Variants in DEPDC5 observed in about 807,000 individuals in gnomAD.
DEPDC5 encodes the protein DEP domain containing 5, GATOR1 subcomplex subunit.
A neutral mutation model predicts 217.3 loss-of-function variants in DEPDC5; 73 were observed. The ratio of observed to expected loss-of-function variants is 0.34; its 90% CI spans 0.28 to 0.41. The LOEUF is 0.41. Ranked by LOEUF, DEPDC5 falls within the 10% of genes least tolerant of loss-of-function variation. The pLI, the probability that DEPDC5 is intolerant of heterozygous loss-of-function variation, is 1.00. For missense variants in DEPDC5, 1,675 were observed against 2,070.1 expected, an observed-to-expected ratio of 0.81 and a Z score of 3.70; for synonymous variants, 733 against 756.7, an observed-to-expected ratio of 0.97 and a Z score of 0.51.
intron 7 of DEPDC5, chr22:31,769,208 C>A: frequency 6.4e-6 from 1 of 156,948 alleles, no homozygotes; most frequent in Non-Finnish European, 1.4e-5. Flanking sequence ...TGCAGTGAGC[C>A]GAGATCACGC....
chr22:31,892,406 G>A (rs1052412902), intron 38 of DEPDC5, among the ~76,000 whole-genome samples: 7 of 152,194 alleles, frequency 4.6e-5, no homozygotes, highest in African/African-American at 1.7e-4. Context: ...ACATCTGGCC[G>A]GGCATGGTGG....
At chr22:31,770,914 C>T (rs191658997) in intron 7 of DEPDC5, among the ~76,000 whole-genome samples, 22 of 151,206 alleles carry the variant, frequency 1.5e-4, no homozygotes, top group Admixed American at 7.3e-4. Context: ...GCCTGGGCCT[C>T]CTGAACTACA....
chr22:31,754,855 G>A lies in DEPDC5; in HGVS notation c.-60-7G>A. Reference sequence around the variant, plus strand: ...TTCCAACCTTTTCGTTTGTATTTCTGTGGCAGGGAGGCAAGATGACTTCTC... The same window carrying A: ...TTCCAACCTTTTCGTTTGTATTTCTATGGCAGGGAGGCAAGATGACTTCTC... On this transcript the variant is annotated splice_polypyrimidine_tract_variant and splice_region_variant and intron_variant, in intron 1 of 42. Transcript: ENST00000651528. 7 of 1,576,876 alleles carry A rather than the reference G, an allele frequency of 4.4e-6. No individual in the cohort carries two copies. Among genetic ancestry groups the A allele is most frequent in the Non-Finnish European group, 6.1e-6 (7 of 1,148,556 alleles).
intron 10 of DEPDC5, among the ~76,000 whole-genome samples, chr22:31,791,213 A>G (rs2085594013): frequency 6.6e-6 from 1 of 152,130 alleles, no homozygotes; most frequent in Non-Finnish European, 1.5e-5. Flanking sequence ...TCCTAAAGTC[A>G]CATAGTGGCA....
chr22:31,759,722 A>G (rs1011837259), intron 3 of DEPDC5, among the ~76,000 whole-genome samples: 1 of 124,232 alleles, frequency 8.0e-6, no homozygotes, highest in Non-Finnish European at 1.6e-5. Context: ...TCGCTCTGTC[A>G]CCCAGGCTGG....
chr22:31,801,611 G>T (rs1377135019), intron 14 of DEPDC5, among the ~76,000 whole-genome samples: 2 of 152,190 alleles, frequency 1.3e-5, no homozygotes, highest in Non-Finnish European at 2.9e-5. Flanking sequence ...AACCTTAGTG[G>T]CTCTGGGAAC....
chr22:31,805,662 G>A (rs553185522), intron 17 of DEPDC5, among the ~76,000 whole-genome samples: 16 of 152,100 alleles, frequency 1.1e-4, no homozygotes, highest in African/African-American at 3.6e-4. Context: ...CGCCACGCCC[G>A]GCTAATTTTT....
intron 27 of DEPDC5, among the ~76,000 whole-genome samples, chr22:31,840,181 A>G (rs888482859): frequency 6.6e-6 from 1 of 152,110 alleles, no homozygotes; most frequent in African/African-American, 2.4e-5. Context: ...ATGGGGCCCT[A>G]TCTAATCTGG....
chr22:31,877,097 T>G (rs572840522), intron 37 of DEPDC5, among the ~76,000 whole-genome samples: 13 of 144,360 alleles, frequency 9.0e-5, no homozygotes, highest in African/African-American at 3.4e-4. Flanking sequence ...GAGCCGAGAT[T>G]GTGCTGCTGT....
rs187937122 is a variant in DEPDC5 at position 31,904,341 on chromosome 22, G to A, written c.4437-1643G>A. Among the ~76,000 whole-genome samples the A allele has an allele frequency of 4.6e-5, 7 of 152,226 alleles. No homozygotes were observed. In the East Asian group the frequency reaches 1.4e-3, roughly 29 times the overall value. ...AACCATGTGGTTAAATTGCCTTTTT[G>A]TTCTTTCCTGGTGACCTAAGGAAGA... On this transcript the variant is annotated intron_variant, in intron 41 of 42. Transcript: ENST00000651528.
chr22:31,887,355 G>T (rs929404142), intron 38 of DEPDC5, among the ~76,000 whole-genome samples: 2 of 147,106 alleles, frequency 1.4e-5, no homozygotes, highest in African/African-American at 5.1e-5. Flanking sequence ...GGAGGCAGAG[G>T]TTACAGTGTG....
chr22:31,774,555 A>G (rs972061587), intron 7 of DEPDC5, among the ~76,000 whole-genome samples: 31 of 151,040 alleles, frequency 2.1e-4, no homozygotes, highest in African/African-American at 7.0e-4. Flanking sequence ...TTATAAGCAG[A>G]GCTGGCTGGG....
chr22:31,774,855 C>T (rs1355569235), intron 7 of DEPDC5, among the ~76,000 whole-genome samples: 1 of 151,938 alleles, frequency 6.6e-6, no homozygotes, highest in African/African-American at 2.4e-5. Context: ...ATCTCTTGAC[C>T]TCGTGATCCA....
chr22:31,800,388 A>G (rs1381948439), intron 14 of DEPDC5, among the ~76,000 whole-genome samples: 1 of 152,094 alleles, frequency 6.6e-6, no homozygotes, highest in Admixed American at 6.6e-5. Context: ...GACCTAGGTG[A>G]TGATGCCCCC....
At chr22:31,905,231 G>A (rs951338642) in intron 41 of DEPDC5, among the ~76,000 whole-genome samples, 1 of 151,738 alleles carries the variant, frequency 6.6e-6, no homozygotes, top group Non-Finnish European at 1.5e-5. Flanking sequence ...CACCCAGGCT[G>A]GAGTGCAATG....
intron 8 of DEPDC5, among the ~76,000 whole-genome samples, chr22:31,783,695 A>G (rs2084693121): frequency 1.3e-5 from 2 of 152,094 alleles, no homozygotes; most frequent in African/African-American, 4.8e-5. Flanking sequence ...AAGAAGTCCA[A>G]CATTGCAAGA....
Position 31,843,656 on chromosome 22 carries a change from A to T in DEPDC5, c.2645A>T (p.Glu882Val). 1 of 1,600,684 alleles carries T rather than the reference A, an allele frequency of 6.2e-7. No homozygotes were observed. The highest frequency in any genetic ancestry group is 8.6e-7 in the Non-Finnish European group (1 of 1,169,330). Residue 882 changes from glutamate (E) to valine (V), a missense_variant, in exon 29 of 43, where the codon GAA becomes GTA. Around this residue, in one of 11 missense-constraint regions of DEPDC5, gnomAD observed 293 missense variants for 386.1 expected, o/e 0.76. Coordinates refer to ENST00000651528, the MANE Select transcript of DEPDC5 (RefSeq NM_001242896.3). ...CCTTTATTTTGCAGGTATCCTTATGAATCTGCCCAGATCCACTACACCTAC... is the reference window on the plus strand; with the variant it reads ...CCTTTATTTTGCAGGTATCCTTATGTATCTGCCCAGATCCACTACACCTAC... The part of the protein sequence containing the change: ...VTRYLPKYPY[E>V]SAQIHYTYSL...
At position 31,765,039 on chromosome 22, in the gene DEPDC5, T is replaced by A. The variant is rs201609075; in HGVS notation, c.258T>A (p.Tyr86Ter). ...GGCTGAGACCTTATCAGGATGTCTA[T>A]GTTAATGTCGTAGACCCTAAGGTAT... Reference protein sequence around the residue: ...VFRLRPYQDVYVNVVDPKDVT... With the variant: ...VFRLRPYQDV The change falls in exon 5 of 43, where the codon TAT becomes TAA. Residue 86 changes from tyrosine to a stop codon, truncating the protein, a stop_gained. Coordinates refer to ENST00000651528, the MANE Select transcript of DEPDC5 (RefSeq NM_001242896.3). LOFTEE classifies it high-confidence loss of function. 1 of 1,613,704 alleles carries A rather than the reference T, an allele frequency of 6.2e-7. No individual in the cohort carries two copies. The highest frequency in any genetic ancestry group is 1.7e-5 in the Admixed American group (1 of 60,022).
intron 33 of DEPDC5, among the ~76,000 whole-genome samples, chr22:31,861,789 T>C (rs2092524007): frequency 6.6e-6 from 1 of 152,218 alleles, no homozygotes; most frequent in Non-Finnish European, 1.5e-5. Context: ...CACTTATTTT[T>C]TTCCCCTCCC....
Sources: allele counts gnomAD v4.1 joint callset (sites outside exome capture counted in the v4.1 genomes callset), GRCh38; gene constraint gnomAD v4.1.1; regional missense constraint gnomAD v4.1.1; transcripts MANE v1.5; gene names NCBI Gene and HGNC (gene_info 2026-07-23, HGNC 2026-07-21).